ZEB1: variants seen among roughly 807,000 people sequenced by gnomAD.
ZEB1 encodes zinc finger E-box binding homeobox 1, also known as zinc finger E-box-binding homeobox 1.
In ZEB1, 21 loss-of-function variants were observed where a neutral mutation model predicts 84.9. The ratio of observed to expected loss-of-function variants is 0.25; its 90% CI spans 0.18 to 0.36. The LOEUF is 0.36. Among genes scored for constraint, ZEB1 ranks in the 10% least tolerant of loss-of-function variants. The probability of loss-of-function intolerance (pLI) is 1.00; values close to 1 mark genes in which losing one functional copy is unlikely to be tolerated. For synonymous variants in ZEB1, 420 were observed against 471.1 expected (o/e 0.89, Z 1.41); for missense variants, 1,104 against 1,330.2 (o/e 0.83, Z 2.65).
intron 1 of ZEB1, among the ~76,000 whole-genome samples, chr10:31,324,779 AT>A (rs1353268401): frequency 2.0e-5 from 3 of 152,094 alleles, no homozygotes; most frequent in Admixed American, 1.3e-4. Flanking sequence ...TGATAAAATG[AT>A]TTTTTAAACT....
intron 1 of ZEB1, among the ~76,000 whole-genome samples, chr10:31,369,204 A>G (rs2045216843): frequency 6.6e-6 from 1 of 152,184 alleles, no homozygotes; most frequent in African/African-American, 2.4e-5. Context: ...CACCTCACCT[A>G]TAATATTTCA....
At chr10:31,468,679 A>C (rs920027840) in intron 2 of ZEB1, among the ~76,000 whole-genome samples, 1 of 152,248 alleles carries the variant, frequency 6.6e-6, no homozygotes, top group Non-Finnish European at 1.5e-5. Context: ...CAAGGAATTT[A>C]TACAGAGCCT....
chr10:31,377,838 T>G (rs2046934831), intron 1 of ZEB1, among the ~76,000 whole-genome samples: 1 of 151,766 alleles, frequency 6.6e-6, no homozygotes, highest in Non-Finnish European at 1.5e-5. Flanking sequence ...AATTAACTTT[T>G]TATAAATGAA....
chr10:31,476,118 C>T (rs1376572954), intron 2 of ZEB1, among the ~76,000 whole-genome samples: 2 of 151,416 alleles, frequency 1.3e-5, no homozygotes, highest in African/African-American at 4.9e-5. Flanking sequence ...AAGAGCAGAA[C>T]CAAATGAGAT....
chr10:31,353,782 T>C (rs1167359511), intron 1 of ZEB1, among the ~76,000 whole-genome samples: 1 of 152,174 alleles, frequency 6.6e-6, no homozygotes, highest in East Asian at 1.9e-4. Flanking sequence ...ACCACCAACC[T>C]GTCATATTGG....
At chr10:31,494,630 T>C (rs2066980428) in intron 2 of ZEB1, among the ~76,000 whole-genome samples, 1 of 152,016 alleles carries the variant, frequency 6.6e-6, no homozygotes, top group Non-Finnish European at 1.5e-5. Context: ...GTACACTATT[T>C]CGGTGTGACT....
chr10:31,381,989 C>T (rs161230), intron 1 of ZEB1, among the ~76,000 whole-genome samples: 6,647 of 121,632 alleles, frequency 0.055, 163 homozygotes, highest in Middle Eastern at 0.097. Flanking sequence ...CCAGACTGGG[C>T]GACAGTGAGA....
Position 31,510,763 on chromosome 10 carries a change from A to C in ZEB1, c.575A>C (p.Tyr192Ser). The C allele has an allele frequency of 6.2e-7, 1 of 1,613,996 alleles. No individual in the cohort carries two copies. Among genetic ancestry groups the C allele is most frequent in the Non-Finnish European group, 8.5e-7 (1 of 1,179,926 alleles). ...ACCTCTCTGAAAGAACACATTAAAT[A>C]TCGTCATGAAAAGAATGAAGATAAC... ...RFTSLKEHIKYRHEKNEDNFS... is the reference protein window; with the variant it reads ...RFTSLKEHIKSRHEKNEDNFS... The change falls in exon 5 of 9, where the codon TAT (tyrosine) becomes TCT (serine). Residue 192 changes from tyrosine to serine, a missense_variant. Tyr to Ser is a moderately radical substitution (Grantham distance 144). Transcript: ENST00000424869.
intron 1 of ZEB1, among the ~76,000 whole-genome samples, chr10:31,401,243 A>G (rs1426219940): frequency 6.6e-6 from 1 of 152,226 alleles, no homozygotes; most frequent in Non-Finnish European, 1.5e-5. Flanking sequence ...CAGAAAACTA[A>G]TAACAAGTGC....
chr10:31,320,983 G>C (rs541383350), intron 1 of ZEB1, among the ~76,000 whole-genome samples: 62 of 152,310 alleles, frequency 4.1e-4, no homozygotes, highest in African/African-American at 1.3e-3. Flanking sequence ...GCTCGCTTTG[G>C]TTCCTGCGTT....
At chr10:31,324,947 C>G (rs1054342036) in intron 1 of ZEB1, among the ~76,000 whole-genome samples, 2 of 151,968 alleles carry the variant, frequency 1.3e-5, no homozygotes, top group African/African-American at 2.4e-5. Context: ...TAGGCATTGC[C>G]ATATAAACTA....
intron 1 of ZEB1, among the ~76,000 whole-genome samples, chr10:31,396,753 A>G (rs909103731): frequency 1.3e-5 from 2 of 152,170 alleles, no homozygotes; most frequent in Non-Finnish European, 2.9e-5. Flanking sequence ...ATAATTATGT[A>G]GGGTTTTATC....
rs375869528 is a variant in ZEB1 at position 31,327,231 on chromosome 10, C to T, written c.58+7939C>T. Among the ~76,000 whole-genome samples, 38 of 151,814 alleles carry T rather than the reference C, an allele frequency of 2.5e-4. 1 individual carries two copies. Among genetic ancestry groups the T allele is most frequent in the African/African-American group, 8.2e-4 (34 of 41,412 alleles). ...GTTCAAGTGATTCTCCCGCTTCAGC[C>T]TCCCAAGTAGCTGGGATTACAGGCA... On this transcript the variant is annotated intron_variant, in intron 1 of 8. Transcript: ENST00000424869.
At chr10:31,330,435 C>T (rs976970099) in intron 1 of ZEB1, among the ~76,000 whole-genome samples, 1 of 152,156 alleles carries the variant, frequency 6.6e-6, no homozygotes, top group Non-Finnish European at 1.5e-5. Flanking sequence ...GATACAGTTT[C>T]AGAGAAAGAT....
chr10:31,416,836 A>T (rs967809489), intron 1 of ZEB1, among the ~76,000 whole-genome samples: 4 of 152,104 alleles, frequency 2.6e-5, no homozygotes, highest in African/African-American at 9.7e-5. Flanking sequence ...AAAGCCCCCA[A>T]AGTTTTTATT....
upstream of ZEB1, chr10:31,318,921 C>T: frequency 2.2e-6 from 1 of 450,944 alleles, no homozygotes; most frequent in Admixed American, 3.4e-5. Flanking sequence ...AGCCCGTCGC[C>T]TTTCTGACCG....
intron 1 of ZEB1, chr10:31,355,220 A>G (rs1029361449): frequency 6.6e-6 from 1 of 152,136 alleles, no homozygotes; most frequent in Admixed American, 6.5e-5. Context: ...TTGAGCCCTA[A>G]AGTCATACAG....
chr10:31,363,582 G>A (rs1436622934), intron 1 of ZEB1: 4 of 1,524,814 alleles, frequency 2.6e-6, no homozygotes, highest in Non-Finnish European at 3.5e-6. Context: ...TTGCTTCTTT[G>A]GGCTCTTCTG....
chr10:31,480,069 T>G (rs545191857), intron 2 of ZEB1, among the ~76,000 whole-genome samples: 42 of 152,100 alleles, frequency 2.8e-4, no homozygotes, highest in Admixed American at 5.9e-4. Context: ...TTAAAACATA[T>G]ATAAAACTGA....
Sources: allele counts gnomAD v4.1 joint callset (sites outside exome capture counted in the v4.1 genomes callset), GRCh38; gene constraint gnomAD v4.1.1; transcripts MANE v1.5; gene names NCBI Gene and HGNC (gene_info 2026-07-23, HGNC 2026-07-21).